TCF7L2: variants seen among roughly 807,000 people sequenced by gnomAD.
TCF7L2 encodes the protein transcription factor 7-like 2.
Under a neutral mutation model 77.9 loss-of-function variants are expected in TCF7L2, and 23 were observed. That is an observed-to-expected ratio of 0.30 (90% CI 0.21 to 0.42). The LOEUF is 0.42. Ranked by LOEUF, TCF7L2 falls within the 10% of genes least tolerant of loss-of-function variation. The pLI is 1.00. For missense variants in TCF7L2, 654 were observed against 793.1 expected, an observed-to-expected ratio of 0.82 and a Z score of 2.11; for synonymous variants, 413 against 340.2, an observed-to-expected ratio of 1.21 and a Z score of -2.36.
chr10:113,165,914 G>T lies in TCF7L2; in HGVS notation c.1751G>T (p.Ser584Ile), dbSNP rs138340674. Residue 584 changes from serine to isoleucine, a missense_variant, in exon 14 of 14, where the codon AGC (serine) becomes ATC (isoleucine). Physicochemically the swap from Ser to Ile is moderately radical, Grantham distance 142. Transcript: ENST00000627217. ...TCGACTTCTTCCTTACATTCCCACA[G>T]CTCCCTGGCCGGGACCCAGCCCCAG... 1.3e-6 allele frequency: 2 copies of T among 1,583,246 alleles called. No individual in the cohort carries two copies. The highest frequency in any genetic ancestry group is 1.7e-6 in the Non-Finnish European group (2 of 1,162,784).
intron 5 of TCF7L2, among the ~76,000 whole-genome samples, chr10:113,041,392 G>A (rs746022005): frequency 2.0e-5 from 3 of 152,172 alleles, no homozygotes; most frequent in Non-Finnish European, 2.9e-5. Flanking sequence ...AGTGACCTTA[G>A]ATCATTTAGG....
At chr10:113,042,926 C>T (rs1053124755) in intron 5 of TCF7L2, among the ~76,000 whole-genome samples, 6 of 152,108 alleles carry the variant, frequency 3.9e-5, no homozygotes, top group African/African-American at 7.2e-5. Flanking sequence ...TGTTTAGAGT[C>T]GCCGATGAAG....
chr10:112,997,835 G>A (rs1000394425), intron 4 of TCF7L2, among the ~76,000 whole-genome samples: 3 of 152,108 alleles, frequency 2.0e-5, no homozygotes, highest in African/African-American at 4.8e-5. Context: ...TACTGCTCTC[G>A]AAGGTAAGAG....
intron 5 of TCF7L2, among the ~76,000 whole-genome samples, chr10:113,078,672 C>A (rs1564864050): frequency 6.6e-6 from 1 of 152,060 alleles, no homozygotes; most frequent in Admixed American, 6.6e-5. Context: ...CACACACACC[C>A]AGTTTGTTGC....
In TCF7L2 at chr10:113,057,460, C is replaced by T. The variant is rs187717587; in HGVS notation, c.552+17334C>T. ...TGGTGGGATTATAGGCGTGAGTCAC[C>T]GAGCCTGGCCCCAGGCAATAATATA... On this transcript the variant is annotated intron_variant, in intron 5 of 13. Transcript: ENST00000627217. Among the ~76,000 whole-genome samples the T allele has an allele frequency of 4.4e-3, 670 of 152,238 alleles. 5 individuals carry two copies. Among genetic ancestry groups the T allele is most frequent in the Non-Finnish European group, 5.7e-3 (390 of 68,020 alleles).
intron 4 of TCF7L2, among the ~76,000 whole-genome samples, chr10:113,002,629 C>T (rs1475610886): frequency 6.6e-6 from 1 of 152,090 alleles, no homozygotes; most frequent in Non-Finnish European, 1.5e-5. Flanking sequence ...CTTATCTATG[C>T]CCCAGTCCTG....
intron 5 of TCF7L2, among the ~76,000 whole-genome samples, chr10:113,119,860 C>G (rs187162084): frequency 6.6e-6 from 1 of 152,172 alleles, no homozygotes; most frequent in Non-Finnish European, 1.5e-5. Flanking sequence ...TACCCCCAAG[C>G]GGTCTCTTTT....
intron 4 of TCF7L2, among the ~76,000 whole-genome samples, chr10:112,973,994 C>T (rs989280904): frequency 6.6e-6 from 1 of 152,146 alleles, no homozygotes; most frequent in Non-Finnish European, 1.5e-5. Context: ...ATGGGTTGGT[C>T]CCAGTTCTTA....
chr10:112,950,957 C>T lies in TCF7L2; in HGVS notation c.189+12C>T, dbSNP rs774519600. On this transcript the variant is annotated intron_variant, in intron 1 of 13. Coordinates refer to ENST00000627217, the MANE Select transcript of TCF7L2 (RefSeq NM_001146274.2). Reference sequence around the variant, plus strand: ...CCTCCGATTCCGAGGTAGGAAAAGCCCCTCGGGCTGGTGGGGTTTTTTATC... The same window carrying T: ...CCTCCGATTCCGAGGTAGGAAAAGCTCCTCGGGCTGGTGGGGTTTTTTATC... 3.1e-6 allele frequency: 5 copies of T among 1,604,954 alleles called. No homozygotes were observed. Among genetic ancestry groups the T allele is most frequent in the African/African-American group, 1.3e-5 (1 of 74,116 alleles).
chr10:113,153,916 A>G (rs1171298903), intron 11 of TCF7L2, among the ~76,000 whole-genome samples: 1 of 152,128 alleles, frequency 6.6e-6, no homozygotes, highest in Admixed American at 6.5e-5. Flanking sequence ...CGTGCTTGCC[A>G]TGTAGATGAG....
intron 3 of TCF7L2, 85 bp downstream of exon 3, chr10:112,951,692 C>A (rs2031438291): frequency 2.7e-6 from 2 of 753,528 alleles, no homozygotes; most frequent in African/African-American, 2.0e-5. Flanking sequence ...CTGCCCTGCC[C>A]CCTCCCCGCC....
Position 113,151,270 on chromosome 10 carries a change from C to G in TCF7L2, c.1001+147C>G. 1 of 1,077,036 alleles carries G rather than the reference C, an allele frequency of 9.3e-7. No homozygotes were observed. The highest frequency in any genetic ancestry group is 1.5e-5 in the South Asian group (1 of 65,762). 66.7% of individuals were successfully genotyped at this position (1,077,036 alleles called of 1,614,324 possible). A position where few individuals can be genotyped will look rare whatever the true frequency, so the allele number is the denominator to read the frequency against. ...CCAGCCTGTGTGGGCTCTTCACTCC[C>G]TTACAAAGAGAGAGAGAGTGCACAG... On this transcript the variant is annotated intron_variant, in intron 9 of 13. Coordinates refer to ENST00000627217, the MANE Select transcript of TCF7L2 (RefSeq NM_001146274.2). The surrounding 1 kb of genome is among the most constrained non-coding windows in gnomAD (Gnocchi z 5.2).
intron 5 of TCF7L2, among the ~76,000 whole-genome samples, chr10:113,070,773 T>C (rs955960290): frequency 7.2e-5 from 11 of 152,224 alleles, no homozygotes; most frequent in African/African-American, 2.7e-4. Flanking sequence ...TAAAAAATTA[T>C]ACAGTTATTG....
At chr10:112,958,653 C>T (rs2034296118) in intron 3 of TCF7L2, among the ~76,000 whole-genome samples, 1 of 151,594 alleles carries the variant, frequency 6.6e-6, no homozygotes, top group Non-Finnish European at 1.5e-5. Flanking sequence ...TAACTAGATT[C>T]CTTCGTGCTG....
chr10:113,068,240 A>G (rs933533420), intron 5 of TCF7L2, among the ~76,000 whole-genome samples: 14 of 152,236 alleles, frequency 9.2e-5, no homozygotes, highest in Non-Finnish European at 1.8e-4. Context: ...ATAAAGTGCT[A>G]TGACTGGACA....
chr10:112,977,485 A>C (rs1048458995), intron 4 of TCF7L2, among the ~76,000 whole-genome samples: 3 of 152,144 alleles, frequency 2.0e-5, no homozygotes, highest in African/African-American at 7.2e-5. Flanking sequence ...CATCAAACTA[A>C]TTGTTGTTTG....
At chr10:113,143,887 C>T (rs991675126) in intron 6 of TCF7L2, 36 bp from the exon 7 acceptor site, 2 of 1,550,678 alleles carry the variant, frequency 1.3e-6, no homozygotes, top group Non-Finnish European at 1.8e-6. Context: ...TCCTTCTCTC[C>T]CTCCTTTGTA....
At chr10:113,036,234 G>C (rs780788126) in intron 4 of TCF7L2, among the ~76,000 whole-genome samples, 9 of 151,888 alleles carry the variant, frequency 5.9e-5, no homozygotes, top group Non-Finnish European at 1.3e-4. Context: ...CTGTAAGGGG[G>C]CAGGTTCTTG....
intron 4 of TCF7L2, among the ~76,000 whole-genome samples, chr10:113,008,290 G>A (rs773948575): frequency 1.3e-5 from 2 of 152,064 alleles, no homozygotes; most frequent in African/African-American, 2.4e-5. Context: ...TACCTTTTTG[G>A]TGTATGCTCA....
Sources: allele counts gnomAD v4.1 joint callset (sites outside exome capture counted in the v4.1 genomes callset), GRCh38; gene constraint gnomAD v4.1.1; non-coding constraint Gnocchi (gnomAD v3.1); transcripts MANE v1.5; gene names NCBI Gene and HGNC (gene_info 2026-07-23, HGNC 2026-07-21).